The following CACHD1 variants were observed in gnomAD, a reference collection of about 807,000 sequenced individuals.
The protein encoded by CACHD1 is VWFA and cache domain-containing protein 1.
Under a neutral mutation model 138.7 loss-of-function variants are expected in CACHD1, and 71 were observed. That is an observed-to-expected ratio of 0.51 (90% CI 0.42 to 0.62). The LOEUF (loss-of-function observed/expected upper bound fraction) is 0.62, where lower values mean the gene tolerates loss of function less well. Ranked by LOEUF, CACHD1 falls within the 20% of genes least tolerant of loss-of-function variation. The probability of loss-of-function intolerance (pLI) is 0.00; values close to 1 mark genes in which losing one functional copy is unlikely to be tolerated. For synonymous variants in CACHD1, 578 were observed against 591.5 expected (o/e 0.98, Z 0.33); for missense variants, 1,389 against 1,625.3 (o/e 0.85, Z 2.50).
intron 13 of CACHD1, among the ~76,000 whole-genome samples, chr1:64,662,958 T>G (rs1291543853): frequency 6.6e-6 from 1 of 152,236 alleles, no homozygotes; most frequent in Admixed American, 6.5e-5. Context: ...ACTCATTTGC[T>G]TTACAAATAT....
At chr1:64,587,341 T>C (rs1192858077) in intron 3 of CACHD1, among the ~76,000 whole-genome samples, 1 of 152,244 alleles carries the variant, frequency 6.6e-6, no homozygotes, top group Non-Finnish European at 1.5e-5. Flanking sequence ...TAATAGTACA[T>C]ATTTTTTAAA....
chr1:64,536,825 G>T (rs541886779), intron 1 of CACHD1, among the ~76,000 whole-genome samples: 2 of 152,280 alleles, frequency 1.3e-5, no homozygotes, highest in East Asian at 3.9e-4. Context: ...ACCAGATGCT[G>T]TCTTAGCTGG....
intron 16 of CACHD1, among the ~76,000 whole-genome samples, 154 bp downstream of exon 16, chr1:64,666,321 C>T (rs1358732687): frequency 3.3e-5 from 5 of 152,300 alleles, no homozygotes; most frequent in African/African-American, 1.2e-4. Flanking sequence ...CTTTCTGTCA[C>T]CTTCAATTCC....
intron 2 of CACHD1, among the ~76,000 whole-genome samples, chr1:64,580,207 T>C (rs1193090387): frequency 2.0e-5 from 3 of 152,120 alleles, no homozygotes; most frequent in Non-Finnish European, 4.4e-5. Flanking sequence ...ATGAAAAAAA[T>C]TGCAGTTGTT....
chr1:64,576,385 C>T (rs1407567629), intron 2 of CACHD1, among the ~76,000 whole-genome samples: 2 of 151,704 alleles, frequency 1.3e-5, no homozygotes, highest in African/African-American at 2.4e-5. Context: ...TTATTGGATA[C>T]ATTCAGGATT....
chr1:64,628,395 G>A (rs1460631422), intron 4 of CACHD1, among the ~76,000 whole-genome samples: 1 of 152,146 alleles, frequency 6.6e-6, no homozygotes, highest in Non-Finnish European at 1.5e-5. Flanking sequence ...CAAATGTAAA[G>A]CAGTGACCAG....
chr1:64,487,863 G>T (rs1646252471), intron 1 of CACHD1, among the ~76,000 whole-genome samples: 1 of 152,146 alleles, frequency 6.6e-6, no homozygotes, highest in African/African-American at 2.4e-5. Context: ...ATTGTGGTTT[G>T]GAATTGTCCA....
chr1:64,664,471 C>T, intron 14 of CACHD1, 27 bp from the exon 15 acceptor site: 1 of 1,607,170 alleles, frequency 6.2e-7, no homozygotes, highest in Non-Finnish European at 8.5e-7. Context: ...TTAAAGGATC[C>T]CTGCTATGTC....
At chr1:64,524,573 A>G (rs1459544373) in intron 1 of CACHD1, among the ~76,000 whole-genome samples, 2 of 152,234 alleles carry the variant, frequency 1.3e-5, no homozygotes, top group African/African-American at 4.8e-5. Flanking sequence ...ACTTTCAGGT[A>G]CACTATATTT....
Position 64,470,263 on chromosome 1 carries a change from CCA to C in CACHD1, c.-481_-480del, listed in dbSNP as rs1229205568. ...TTCCCTCCTCGCTCGGGTGGCTGCC[CCA>C]GTCTCGCAGCCCGGCCGCCGCTCCT... On this transcript the variant is annotated 5_prime_UTR_variant, in exon 1 of 27. Coordinates refer to ENST00000651257, the MANE Select transcript of CACHD1 (RefSeq NM_020925.4). The surrounding 1 kb of genome is among the most constrained non-coding windows in gnomAD (Gnocchi z 5.2). 1.3e-5 allele frequency among the ~76,000 whole-genome samples: 2 copies of C among 151,868 alleles called. No homozygotes were observed. The highest frequency in any genetic ancestry group is 2.9e-5 in the Non-Finnish European group (2 of 67,896).
chr1:64,640,399 G>A (rs1019044347), intron 7 of CACHD1, among the ~76,000 whole-genome samples: 1 of 151,998 alleles, frequency 6.6e-6, no homozygotes, highest in African/African-American at 2.4e-5. Flanking sequence ...ATTGAGGCCA[G>A]GCGTGGTGGC....
At chr1:64,654,452 G>A (rs1287170187) in intron 11 of CACHD1, among the ~76,000 whole-genome samples, 1 of 152,156 alleles carries the variant, frequency 6.6e-6, no homozygotes, top group African/African-American at 2.4e-5. Context: ...GTTAGTCTCT[G>A]GAAAGAATTA....
At chr1:64,564,617 T>C (rs1646866732) in intron 2 of CACHD1, among the ~76,000 whole-genome samples, 1 of 152,234 alleles carries the variant, frequency 6.6e-6, no homozygotes, top group South Asian at 2.1e-4. Context: ...TGCAGTGTGC[T>C]ACAGAGAAGA....
rs1557504836 is a variant in CACHD1 at position 64,582,322 on chromosome 1, TTTG to T, written c.410+26_410+28del. 1.9e-6 allele frequency: 3 copies of T among 1,606,848 alleles called. No individual in the cohort carries two copies. Among genetic ancestry groups the T allele is most frequent in the South Asian group, 1.1e-5 (1 of 89,844 alleles). Reference sequence around the variant, plus strand: ...ATGATGGAGTAAGACTTTAAAACTTTTTGTTGTTGTATAAACCAGACATTGAAT... The same window carrying T: ...ATGATGGAGTAAGACTTTAAAACTTTTTGTTGTATAAACCAGACATTGAAT... On this transcript the variant is annotated intron_variant, in intron 3 of 26. Coordinates refer to ENST00000651257, the MANE Select transcript of CACHD1 (RefSeq NM_020925.4).
intron 2 of CACHD1, among the ~76,000 whole-genome samples, chr1:64,560,941 A>C (rs1176221570): frequency 6.6e-6 from 1 of 152,090 alleles, no homozygotes; most frequent in African/African-American, 2.4e-5. Context: ...CTCCAGTAAT[A>C]TTATTCTCTC....
intron 4 of CACHD1, among the ~76,000 whole-genome samples, chr1:64,609,449 C>T (rs1276068663): frequency 5.3e-5 from 8 of 152,208 alleles, no homozygotes; most frequent in Admixed American, 5.2e-4. Flanking sequence ...AGTTTATATT[C>T]GTATGTATGT....
intron 8 of CACHD1, among the ~76,000 whole-genome samples, chr1:64,645,102 A>C (rs1342609655): frequency 6.6e-6 from 1 of 152,216 alleles, no homozygotes; most frequent in Admixed American, 6.5e-5. Context: ...GTCTCAAAAA[A>C]TAAAATAAAT....
At position 64,643,707 on chromosome 1, in the gene CACHD1, G is replaced by A. The variant is rs183201241; in HGVS notation, c.1156+1738G>A. On this transcript the variant is annotated intron_variant, in intron 8 of 26. Transcript: ENST00000651257. Reference sequence around the variant, plus strand: ...AAAAAAATTAGCCAGGCGTGGTGGCGGGCACCTGTAGTCCCAGCTACTCGG... The same window carrying A: ...AAAAAAATTAGCCAGGCGTGGTGGCAGGCACCTGTAGTCCCAGCTACTCGG... Among the ~76,000 whole-genome samples, 16 of 152,180 alleles carry A rather than the reference G, an allele frequency of 1.1e-4. No individual in the cohort carries two copies. In the East Asian group the frequency reaches 1.5e-3, roughly 15 times the overall value.
intron 1 of CACHD1, among the ~76,000 whole-genome samples, chr1:64,506,652 G>A (rs1305869783): frequency 6.6e-6 from 1 of 152,164 alleles, no homozygotes; most frequent in Non-Finnish European, 1.5e-5. Context: ...GAATTAAGTG[G>A]ATGTGTCAAG....
Sources: allele counts gnomAD v4.1 joint callset (sites outside exome capture counted in the v4.1 genomes callset), GRCh38; gene constraint gnomAD v4.1.1; non-coding constraint Gnocchi (gnomAD v3.1); transcripts MANE v1.5; gene names NCBI Gene and HGNC (gene_info 2026-07-23, HGNC 2026-07-21).